UTRN: variants seen among roughly 807,000 people sequenced by gnomAD.
The protein encoded by UTRN is dystrophin-related protein 1.
Under a neutral mutation model 463.9 loss-of-function variants are expected in UTRN, and 283 were observed. That is an observed-to-expected ratio of 0.61 (90% CI 0.55 to 0.67). The LOEUF is 0.67. Ranked by LOEUF, UTRN falls within the 30% of genes least tolerant of loss-of-function variation. UTRN has a pLI of 0.00. For synonymous variants in UTRN, 1,442 were observed against 1,431.5 expected, an observed-to-expected ratio of 1.01 and a Z score of -0.17; for missense variants, 3,922 against 4,084.3, an observed-to-expected ratio of 0.96 and a Z score of 1.08.
intron 67 of UTRN, 72 bp from the exon 68 acceptor site, chr6:144,827,539 C>G: frequency 6.2e-7 from 1 of 1,602,042 alleles, no homozygotes; most frequent in Non-Finnish European, 8.5e-7. Flanking sequence ...ACTTAAGTAA[C>G]CTAACATTTC....
intron 2 of UTRN, among the ~76,000 whole-genome samples, chr6:144,394,564 T>TTTTA (rs1395991254): frequency 2.0e-5 from 3 of 152,298 alleles, no homozygotes; most frequent in East Asian, 3.9e-4. Flanking sequence ...ACAATATATT[T>TTTTA]TTTATTTGAC....
chr6:144,645,193 G>C (rs527947850), intron 51 of UTRN, among the ~76,000 whole-genome samples: 1 of 152,194 alleles, frequency 6.6e-6, no homozygotes, highest in East Asian at 1.9e-4. Context: ...TAAAGTCCTG[G>C]AGGTATATCC....
chr6:144,368,688 C>T (rs532092987), intron 2 of UTRN, among the ~76,000 whole-genome samples: 29 of 152,038 alleles, frequency 1.9e-4, no homozygotes, highest in Non-Finnish European at 3.4e-4. Context: ...GCAGGAGAGT[C>T]GCTTGAACCT....
intron 51 of UTRN, among the ~76,000 whole-genome samples, chr6:144,634,107 G>T (rs985276159): frequency 1.3e-5 from 2 of 152,248 alleles, no homozygotes; most frequent in African/African-American, 4.8e-5. Flanking sequence ...GTCCGAGCCG[G>T]TGCTGGTGCC....
chr6:144,792,829 A>G (rs945787015), intron 62 of UTRN, among the ~76,000 whole-genome samples: 27 of 152,204 alleles, frequency 1.8e-4, no homozygotes, highest in African/African-American at 6.3e-4. Flanking sequence ...TGTTGAAAAT[A>G]ATATATAATT....
chr6:144,447,843 AGG>A (rs1238148740), intron 16 of UTRN, 62 bp downstream of exon 16: 1 of 1,497,518 alleles, frequency 6.7e-7, no homozygotes, highest in East Asian at 2.3e-5. Context: ...TTAAATGTTC[AGG>A]TTAGTTTTAA....
Position 144,548,810 on chromosome 6 carries a change from G to GT in UTRN, c.6768dup (p.Gly2257TrpfsTer8). 1 of 1,614,040 alleles carries GT rather than the reference G, an allele frequency of 6.2e-7. No homozygotes were observed. On this transcript the variant is annotated frameshift_variant, in exon 47 of 75. Coordinates refer to ENST00000367545, the MANE Select transcript of UTRN (RefSeq NM_007124.3). LOFTEE classifies it high-confidence loss of function. ...GATGCTGAAGTCCAACATTGTCACT[G>GT]TTGGGGATGTAGAAGAGATCAATAA...
intron 2 of UTRN, among the ~76,000 whole-genome samples, chr6:144,400,348 C>G (rs59893699): frequency 0.1 from 15,963 of 152,056 alleles, 2,798 homozygotes; most frequent in African/African-American, 0.36. Flanking sequence ...GAAATAATTT[C>G]AGACTGTGGA....
At chr6:144,505,273 C>T (rs10080686) in intron 34 of UTRN, among the ~76,000 whole-genome samples, 1 of 152,242 alleles carries the variant, frequency 6.6e-6, no homozygotes, top group Non-Finnish European at 1.5e-5. Context: ...TAGTTCTGCT[C>T]TGCTCTTGGT....
chr6:144,543,016 A>G, intron 46 of UTRN, 146 bp downstream of exon 46: 1 of 729,710 alleles, frequency 1.4e-6, no homozygotes, highest in Admixed American at 2.9e-5. Flanking sequence ...TGGAAAGAAC[A>G]TCTTCTTTAA....
intron 57 of UTRN, 69 bp from the exon 58 acceptor site, chr6:144,757,860 T>G: frequency 7.2e-7 from 1 of 1,391,022 alleles, no homozygotes; most frequent in Non-Finnish European, 9.9e-7. Flanking sequence ...AAATGTTCAG[T>G]TGTTTTGCAT....
chr6:144,603,636 G>C (rs369410936), intron 51 of UTRN, among the ~76,000 whole-genome samples: 3 of 152,232 alleles, frequency 2.0e-5, no homozygotes, highest in African/African-American at 7.2e-5. Flanking sequence ...TGTCATCGAA[G>C]TAATGAGGTA....
chr6:144,780,655 A>C (rs1001007615), intron 60 of UTRN, among the ~76,000 whole-genome samples: 2 of 152,202 alleles, frequency 1.3e-5, no homozygotes, highest in Non-Finnish European at 2.9e-5. Context: ...TTAAATTAAA[A>C]AAAAATTTGT....
intron 41 of UTRN, among the ~76,000 whole-genome samples, chr6:144,529,117 A>G (rs1033839849): frequency 6.6e-6 from 1 of 152,164 alleles, no homozygotes; most frequent in Admixed American, 6.5e-5. Context: ...GTTTCCATGC[A>G]GCCCACGGCC....
chr6:144,673,463 C>T (rs1255093599), intron 51 of UTRN, among the ~76,000 whole-genome samples: 1 of 151,980 alleles, frequency 6.6e-6, no homozygotes, highest in Non-Finnish European at 1.5e-5. Flanking sequence ...ATAGCTACTC[C>T]TGCTTGCTTT....
chr6:144,314,597 C>T (rs1464540062), intron 2 of UTRN, among the ~76,000 whole-genome samples: 13 of 152,220 alleles, frequency 8.5e-5, no homozygotes. Flanking sequence ...TTCAGAAAGG[C>T]TATGGCCCAT....
In UTRN at chr6:144,780,418, T is replaced by G. The variant is rs545738835; in HGVS notation, c.8633-1504T>G. Among the ~76,000 whole-genome samples the G allele has an allele frequency of 2.4e-3, 371 of 152,210 alleles. 1 individual carries two copies. The highest frequency in any genetic ancestry group is 0.023 in the South Asian group (113 of 4,818). On this transcript the variant is annotated intron_variant, in intron 60 of 74. Transcript: ENST00000367545. ...TAAGATTAGAGTTCTTCTAGTCTAA[T>G]TTTTTTATGCTAAAAGGTTAAATAC... is the stretch of plus-strand genomic sequence containing the variant.
chr6:144,463,198 G>A (rs117353749), intron 23 of UTRN, among the ~76,000 whole-genome samples: 2,576 of 152,290 alleles, frequency 0.017, 35 homozygotes, highest in Non-Finnish European at 0.025. Context: ...CTTGGTTGGG[G>A]TGGTAGAAAT....
At chr6:144,839,096 G>A (rs776272893) in intron 71 of UTRN, 77 bp from the exon 72 acceptor site, 2 of 1,120,212 alleles carry the variant, frequency 1.8e-6, no homozygotes, top group Non-Finnish European at 2.7e-6. Context: ...GTGAGGGCGG[G>A]GAAGTTAAAA....
Sources: gnomAD v4.1 joint callset for allele counts (sites outside exome capture counted in the v4.1 genomes callset) on GRCh38, gnomAD v4.1.1 for gene constraint, MANE v1.5 for transcripts, NCBI Gene and HGNC (gene_info 2026-07-23, HGNC 2026-07-21) for gene names.